Variants in GALNT17 observed in about 807,000 individuals in gnomAD.
The protein encoded by GALNT17 is polypeptide N-acetylgalactosaminyltransferase 17.
Under a neutral mutation model 63.7 loss-of-function variants are expected in GALNT17, and 29 were observed. The ratio of observed to expected loss-of-function variants is 0.46; its 90% confidence interval spans 0.34 to 0.62. The LOEUF (loss-of-function observed/expected upper bound fraction) is 0.62. Ranked by LOEUF, GALNT17 falls within the 20% of genes least tolerant of loss-of-function variation. The pLI, the probability that GALNT17 is intolerant of heterozygous loss-of-function variation, is 0.01. For missense variants in GALNT17, 603 were observed against 799.6 expected (o/e 0.75, Z 2.97); for synonymous variants, 305 against 318.3 (o/e 0.96, Z 0.45).
rs1790919776 is a variant in GALNT17 at position 71,288,554 on chromosome 7, T to G, written c.239-46996T>G. On this transcript the variant is annotated intron_variant, in intron 1 of 10. Transcript: ENST00000333538. Reference sequence around the variant, plus strand: ...TAAGTATGTATGTGCTCCTCTGATTTCGGAAGCAGGTTGCAAACTTTCAGA... The same window carrying G: ...TAAGTATGTATGTGCTCCTCTGATTGCGGAAGCAGGTTGCAAACTTTCAGA... Among the ~76,000 whole-genome samples, 3 of 152,154 alleles carry G rather than the reference T, an allele frequency of 2.0e-5. No homozygotes were observed. The South Asian group carries it at 6.2e-4, about 32-fold the overall frequency.
chr7:71,566,608 G>A (rs374883406), intron 5 of GALNT17, among the ~76,000 whole-genome samples: 2 of 151,868 alleles, frequency 1.3e-5, no homozygotes, highest in East Asian at 3.9e-4. Context: ...CTCTGATTCC[G>A]GCTCTTCCAG....
At chr7:71,575,509 C>T (rs916951535) in intron 6 of GALNT17, among the ~76,000 whole-genome samples, 3 of 151,758 alleles carry the variant, frequency 2.0e-5, no homozygotes, top group African/African-American at 7.3e-5. Flanking sequence ...CTGCCTCAGC[C>T]TCCCGAGTAG....
At chr7:71,506,261 T>C (rs1162204471) in intron 5 of GALNT17, among the ~76,000 whole-genome samples, 1 of 144,622 alleles carries the variant, frequency 6.9e-6, no homozygotes, top group Non-Finnish European at 1.5e-5. Context: ...TATTTTATTT[T>C]ATTTTATTTT....
chr7:71,495,504 T>C (rs2116684558), intron 5 of GALNT17, among the ~76,000 whole-genome samples: 1 of 152,104 alleles, frequency 6.6e-6, no homozygotes, highest in East Asian at 1.9e-4. Context: ...ATTATTATTA[T>C]CATTATTTTT....
intron 1 of GALNT17, among the ~76,000 whole-genome samples, chr7:71,144,504 A>G (rs1787978258): frequency 6.6e-6 from 1 of 152,122 alleles, no homozygotes. Context: ...ACACCTATCT[A>G]GACATTGTCA....
chr7:71,240,007 G>C (rs978389906), intron 1 of GALNT17, among the ~76,000 whole-genome samples: 6 of 152,066 alleles, frequency 3.9e-5, no homozygotes, highest in African/African-American at 1.4e-4. Flanking sequence ...TCTTACATTT[G>C]GGTGTTTTAA....
chr7:71,218,637 C>G (rs967412530), intron 1 of GALNT17, among the ~76,000 whole-genome samples: 1 of 152,148 alleles, frequency 6.6e-6, no homozygotes, highest in East Asian at 1.9e-4. Flanking sequence ...GGCAAGCGAT[C>G]GAAGCTTCAT....
Position 71,576,036 on chromosome 7 carries a change from GA to G in GALNT17, c.1080+4643del, listed in dbSNP as rs547209764. Among the ~76,000 whole-genome samples the G allele has an allele frequency of 1.7e-4, 26 of 151,462 alleles. No homozygotes were observed. In the South Asian group the frequency reaches 4.4e-3, roughly 26 times the overall value. The stretch of plus-strand genomic sequence containing the variant: ...ATAGTAGCATGTCTAAATGTTAAGA[GA>G]AAAAAAAATTCTCCAAGGACAGAAG... On this transcript the variant is annotated intron_variant, in intron 6 of 10. Transcript: ENST00000333538.
chr7:71,442,346 G>A lies in GALNT17; in HGVS notation c.962+21241G>A, dbSNP rs375485236. On this transcript the variant is annotated intron_variant, in intron 5 of 10. Transcript: ENST00000333538. ...TGAGTAGCTGGGACTACGGGCGCCC[G>A]CCACCATGCCCGGCTAATTTTTTTG... 2.1e-3 allele frequency among the ~76,000 whole-genome samples: 316 copies of A among 152,150 alleles called. 1 individual carries two copies. The highest frequency in any genetic ancestry group is 6.7e-3 in the African/African-American group (277 of 41,516).
chr7:71,164,221 A>G (rs1281473474), intron 1 of GALNT17, among the ~76,000 whole-genome samples: 4 of 152,218 alleles, frequency 2.6e-5, no homozygotes, highest in Admixed American at 1.3e-4. Flanking sequence ...CATTATTTAT[A>G]AAGAAAGGAG....
chr7:71,487,303 A>G (rs1026595373), intron 5 of GALNT17, among the ~76,000 whole-genome samples: 19 of 152,140 alleles, frequency 1.2e-4, no homozygotes, highest in African/African-American at 4.6e-4. Context: ...AGTTGTCTGG[A>G]GGAGGAAAAA....
intron 6 of GALNT17, among the ~76,000 whole-genome samples, chr7:71,584,878 C>T (rs542048475): frequency 2.0e-5 from 3 of 152,264 alleles, no homozygotes; most frequent in Middle Eastern, 3.4e-3. Flanking sequence ...CCTCAGCCTC[C>T]GGAGTAGCTG....
At chr7:71,640,473 A>G (rs989757598) in intron 6 of GALNT17, among the ~76,000 whole-genome samples, 1 of 152,028 alleles carries the variant, frequency 6.6e-6, no homozygotes, top group Non-Finnish European at 1.5e-5. Context: ...CTAATCTCTA[A>G]CTGATATTAG....
intron 1 of GALNT17, among the ~76,000 whole-genome samples, chr7:71,144,978 T>C (rs977619463): frequency 1.5e-4 from 23 of 152,136 alleles, no homozygotes; most frequent in African/African-American, 5.3e-4. Context: ...TTTGCCCACC[T>C]TGGCCTCCCA....
chr7:71,484,487 C>CA (rs1563127464), intron 5 of GALNT17, among the ~76,000 whole-genome samples: 2 of 151,322 alleles, frequency 1.3e-5, no homozygotes, highest in East Asian at 1.9e-4. Flanking sequence ...GACTCTGCCT[C>CA]AAAAAAAACT....
At position 71,567,487 on chromosome 7, in the gene GALNT17, C is replaced by T. The variant is rs1323583718; in HGVS notation, c.963-3798C>T. ...TTTTTGTTTGTTTGTTTGTTTGAGACGGAGTCTCGCTCTGTCACCCAGGCT... is the reference window on the plus strand; with the variant it reads ...TTTTTGTTTGTTTGTTTGTTTGAGATGGAGTCTCGCTCTGTCACCCAGGCT... On this transcript the variant is annotated intron_variant, in intron 5 of 10. Coordinates refer to ENST00000333538, the MANE Select transcript of GALNT17 (RefSeq NM_022479.3). 8.5e-5 allele frequency among the ~76,000 whole-genome samples: 13 copies of T among 152,310 alleles called. No individual in the cohort carries two copies. In the East Asian group the frequency reaches 1.9e-3, roughly 23 times the overall value.
At chr7:71,234,950 TA>T (rs545253924) in intron 1 of GALNT17, among the ~76,000 whole-genome samples, 54 of 152,222 alleles carry the variant, frequency 3.5e-4, no homozygotes, top group Admixed American at 1.7e-3. Context: ...ATCTTAAGGA[TA>T]AAAAGTTCGG....
chr7:71,169,449 G>C (rs1200727080), intron 1 of GALNT17, among the ~76,000 whole-genome samples: 1 of 152,164 alleles, frequency 6.6e-6, no homozygotes, highest in Non-Finnish European at 1.5e-5. Flanking sequence ...TGTTACTTCA[G>C]TGGTTTCAGC....
chr7:71,564,968 A>G lies in GALNT17; in HGVS notation c.963-6317A>G, dbSNP rs146584914. On this transcript the variant is annotated intron_variant, in intron 5 of 10. Coordinates refer to ENST00000333538, the MANE Select transcript of GALNT17 (RefSeq NM_022479.3). ...CACCATCCAGATAAAACCCAGTTAC[A>G]TTAAAGTATCAGGCTGGGCCGGGCA... Among the ~76,000 whole-genome samples the G allele has an allele frequency of 4.6e-5, 7 of 152,278 alleles. No individual in the cohort carries two copies. The East Asian group carries it at 1.2e-3, about 25-fold the overall frequency.
Sources: gnomAD v4.1 joint callset for allele counts (sites outside exome capture counted in the v4.1 genomes callset) on GRCh38, gnomAD v4.1.1 for gene constraint, MANE v1.5 for transcripts, NCBI Gene and HGNC (gene_info 2026-07-23, HGNC 2026-07-21) for gene names.